SPRED1: variants seen among roughly 807,000 people sequenced by gnomAD.
The protein encoded by SPRED1 is sprouty-related, EVH1 domain-containing protein 1.
A neutral mutation model predicts 52.3 loss-of-function variants in SPRED1; 18 were observed. That is an observed-to-expected ratio of 0.34 (90% CI 0.24 to 0.51). The LOEUF (loss-of-function observed/expected upper bound fraction) is 0.51, where lower values mean the gene tolerates loss of function less well. SPRED1 is among the 20% of genes least tolerant of loss of function. The pLI, the probability that SPRED1 is intolerant of heterozygous loss-of-function variation, is 0.97. For missense variants in SPRED1, 485 were observed against 551.0 expected, an observed-to-expected ratio of 0.88 and a Z score of 1.20; for synonymous variants, 155 against 179.7, an observed-to-expected ratio of 0.86 and a Z score of 1.10.
chr15:38,269,042 C>A (rs1380675405), intron 1 of SPRED1, among the ~76,000 whole-genome samples: 1 of 150,838 alleles, frequency 6.6e-6, no homozygotes. Context: ...CGGGTTCACG[C>A]TATTCCCCTG....
intron 4 of SPRED1, among the ~76,000 whole-genome samples, chr15:38,337,809 G>A (rs1057178977): frequency 6.6e-6 from 1 of 151,642 alleles, no homozygotes; most frequent in Admixed American, 6.6e-5. Context: ...ACAATTAAAA[G>A]CAATATCTTA....
At chr15:38,317,088 ACTAT>A (rs1895504354) in intron 2 of SPRED1, among the ~76,000 whole-genome samples, 1 of 151,894 alleles carries the variant, frequency 6.6e-6, no homozygotes, top group East Asian at 1.9e-4. Flanking sequence ...ATTTATCTTT[ACTAT>A]CTATTTTATG....
At chr15:38,342,871 G>C (rs1303567584) in intron 5 of SPRED1, among the ~76,000 whole-genome samples, 1 of 152,112 alleles carries the variant, frequency 6.6e-6, no homozygotes, top group Admixed American at 6.5e-5. Context: ...GAAGCTCAGG[G>C]AGAGTTAAAG....
rs1478664050 is a variant in SPRED1, at chr15:38,253,234, T to C, written c.32+17T>C. 6.4e-7 allele frequency: 1 copy of C among 1,566,802 alleles called. No homozygotes were observed. The highest frequency in any genetic ancestry group is 1.9e-5 in the Admixed American group (1 of 53,796). On this transcript the variant is annotated intron_variant, in intron 1 of 6. Coordinates refer to ENST00000299084, the MANE Select transcript of SPRED1 (RefSeq NM_152594.3). ...TGACAACGAGTAAGCGCCTCATTGA[T>C]CTCGATTGCTAATCCCCCTCCCCCT...
At chr15:38,263,662 A>G (rs1894247445) in intron 1 of SPRED1, among the ~76,000 whole-genome samples, 1 of 152,168 alleles carries the variant, frequency 6.6e-6, no homozygotes, top group Non-Finnish European at 1.5e-5. Flanking sequence ...TTAGGATGTC[A>G]TTGACCTTTG....
At chr15:38,305,425 T>C (rs1047839468) in intron 2 of SPRED1, among the ~76,000 whole-genome samples, 1 of 151,358 alleles carries the variant, frequency 6.6e-6, no homozygotes, top group Non-Finnish European at 1.5e-5. Context: ...GGCTACTGTG[T>C]GCTAAGCACT....
intron 1 of SPRED1, among the ~76,000 whole-genome samples, chr15:38,289,858 A>G (rs756285994): frequency 7.2e-5 from 11 of 152,124 alleles, no homozygotes; most frequent in Admixed American, 1.3e-4. Flanking sequence ...TGGACTTCCA[A>G]CTCACAGAAG....
At chr15:38,338,298 G>GTTT (rs141295976) in intron 4 of SPRED1, among the ~76,000 whole-genome samples, 19,381 of 140,530 alleles carry the variant, frequency 0.14, 2,199 homozygotes, top group East Asian at 0.53. Flanking sequence ...TTTTTGTTTT[G>GTTT]TTTTGTTTTT....
intron 5 of SPRED1, among the ~76,000 whole-genome samples, chr15:38,347,414 C>T (rs28527805): frequency 0.22 from 31,642 of 144,812 alleles, 3,881 homozygotes; most frequent in South Asian, 0.28. Flanking sequence ...TCTATAATAA[C>T]TTAATATTTG....
chr15:38,266,486 A>C (rs1894309026), intron 1 of SPRED1, among the ~76,000 whole-genome samples: 1 of 151,956 alleles, frequency 6.6e-6, no homozygotes, highest in Admixed American at 6.6e-5. Flanking sequence ...CTAAAAATAC[A>C]AAAAAATTAT....
At position 38,347,885 on chromosome 15, in the gene SPRED1, G is replaced by A. The variant is rs559776547; in HGVS notation, c.583-1537G>A. On this transcript the variant is annotated intron_variant, in intron 5 of 6. Transcript: ENST00000299084. ...GGGTATTAAAAAGCAGAAATTAATT[G>A]GGGTGTATCTTATCACATCTGTTTT... Among the ~76,000 whole-genome samples the A allele has an allele frequency of 2.6e-5, 4 of 152,056 alleles. No homozygotes were observed. The South Asian group carries it at 8.3e-4, about 32-fold the overall frequency.
intron 4 of SPRED1, among the ~76,000 whole-genome samples, chr15:38,328,812 TG>T (rs772109028): frequency 6.6e-5 from 10 of 152,120 alleles, no homozygotes; most frequent in Non-Finnish European, 1.3e-4. Flanking sequence ...CTTTGCCTCC[TG>T]GGCTCAAATG....
chr15:38,325,679 A>G (rs1256038055), intron 4 of SPRED1, among the ~76,000 whole-genome samples: 2 of 152,172 alleles, frequency 1.3e-5, no homozygotes, highest in Non-Finnish European at 2.9e-5. Flanking sequence ...CATTCAAGCA[A>G]CACTGTGTAG....
chr15:38,271,826 A>G (rs943474579), intron 1 of SPRED1, among the ~76,000 whole-genome samples: 2 of 152,206 alleles, frequency 1.3e-5, no homozygotes, highest in African/African-American at 4.8e-5. Flanking sequence ...TTCATGATGC[A>G]GAGGTTTGGG....
intron 2 of SPRED1, among the ~76,000 whole-genome samples, chr15:38,305,472 A>G (rs1895234891): frequency 1.3e-5 from 2 of 152,052 alleles, no homozygotes; most frequent in Admixed American, 6.5e-5. Flanking sequence ...GAACAAAAAT[A>G]GAAATCTCAG....
intron 1 of SPRED1, among the ~76,000 whole-genome samples, chr15:38,269,726 T>G (rs570681662): frequency 6.6e-6 from 1 of 152,350 alleles, no homozygotes; most frequent in Admixed American, 6.5e-5. Flanking sequence ...TCTGTGATGA[T>G]GGAAACATTC....
In SPRED1 at chr15:38,322,230, G is replaced by C. The variant is rs751879511; in HGVS notation, c.208-11G>C. 1 of 1,613,330 alleles carries C rather than the reference G, an allele frequency of 6.2e-7. No homozygotes were observed. Among genetic ancestry groups the C allele is most frequent in the South Asian group, 1.1e-5 (1 of 91,054 alleles). On this transcript the variant is annotated splice_polypyrimidine_tract_variant and intron_variant, in intron 2 of 6. Transcript: ENST00000299084. ...TATGTATATTAATTTTTGGTATTTG[G>C]CTTTTGTCAGGTGGTTTTGGAATGT...
At chr15:38,310,194 G>T (rs1297766871) in intron 2 of SPRED1, among the ~76,000 whole-genome samples, 1 of 143,460 alleles carries the variant, frequency 7.0e-6, no homozygotes, top group Non-Finnish European at 1.5e-5. Flanking sequence ...ATACTGGAGC[G>T]CAGTGGCGCG....
At position 38,293,099 on chromosome 15, in the gene SPRED1, C is replaced by CTTTTTTTTTTTTTTTTT. The variant is rs66511254; in HGVS notation, c.33-6271_33-6255dup. ...TTAAGTAATTTACCCAAGATTACAA[C>CTTTTTTTTTTTTTTTTT]TTTTTTTTTTTTTTTTTTTGAGACG... On this transcript the variant is annotated intron_variant, in intron 1 of 6. Coordinates refer to ENST00000299084, the MANE Select transcript of SPRED1 (RefSeq NM_152594.3). 1.1e-3 allele frequency among the ~76,000 whole-genome samples: 102 copies of CTTTTTTTTTTTTTTTTT among 90,732 alleles called. 11 individuals are homozygous for CTTTTTTTTTTTTTTTTT. Among genetic ancestry groups the CTTTTTTTTTTTTTTTTT allele is most frequent in the African/African-American group, 1.4e-3 (34 of 24,078 alleles). The allele number at this position is 90,732 out of a possible 152,430, so 59.5% of individuals were successfully genotyped here.
Sources: gnomAD v4.1 joint callset for allele counts (sites outside exome capture counted in the v4.1 genomes callset) on GRCh38, gnomAD v4.1.1 for gene constraint, MANE v1.5 for transcripts, NCBI Gene and HGNC (gene_info 2026-07-23, HGNC 2026-07-21) for gene names.